Variants in CACNA1A observed in about 807,000 individuals in gnomAD.
CACNA1A encodes calcium voltage-gated channel subunit alpha1 A, also known as voltage-dependent P/Q-type calcium channel subunit alpha-1A.
In CACNA1A, 57 loss-of-function variants were observed where a neutral mutation model predicts 262.4. The ratio of observed to expected loss-of-function variants is 0.22; its 90% CI spans 0.18 to 0.27. CACNA1A has a LOEUF of 0.27. CACNA1A is among the 10% of genes least tolerant of loss of function. The pLI, the probability that CACNA1A is intolerant of heterozygous loss-of-function variation, is 1.00. For synonymous variants in CACNA1A, 1,431 were observed against 1,419.3 expected (o/e 1.01, Z -0.18); for missense variants, 2,526 against 3,562.8 (o/e 0.71, Z 7.41).
chr19:13,267,882 G>A (rs1459516690), intron 24 of CACNA1A, among the ~76,000 whole-genome samples: 2 of 151,918 alleles, frequency 1.3e-5, no homozygotes, highest in Non-Finnish European at 2.9e-5. Context: ...CAGGGCTCAG[G>A]TGATTCTCCC....
chr19:13,222,489 G>A (rs550379169), intron 38 of CACNA1A, among the ~76,000 whole-genome samples: 42 of 149,200 alleles, frequency 2.8e-4, no homozygotes, highest in African/African-American at 7.9e-4. Flanking sequence ...TCTGCCTCTC[G>A]GGTTCAAGCA....
rs2144957956 is a variant in CACNA1A, at chr19:13,299,264, C to T, written c.2369G>A (p.Arg790Gln). The T allele has an allele frequency of 3.7e-6, 6 of 1,606,594 alleles. No individual in the cohort carries two copies. Among genetic ancestry groups the T allele is most frequent in the Non-Finnish European group, 4.2e-6 (5 of 1,179,846 alleles). ...GTCCATTTCGTTATACAGGGCCTCC[C>T]GGCTGGCCAGCAAGTTCTGCTTTCG... ...EMRKQNLLAS[R>Q]EALYNEMDPD... is the part of the protein sequence containing the mutation. Residue 790 changes from arginine to glutamine, a missense_variant, in exon 19 of 47, where the codon CGG becomes CAG. Around this residue, in one of 17 missense-constraint regions of CACNA1A, gnomAD observed 765 missense variants for 748.6 expected, o/e 1.02. Coordinates refer to ENST00000360228, the MANE Select transcript of CACNA1A (RefSeq NM_001127222.2).
In CACNA1A at chr19:13,214,107, G is replaced by A. The variant is rs2054912574; in HGVS notation, c.5940+126C>T. 1.4e-6 allele frequency: 1 copy of A among 723,710 alleles called. No homozygotes were observed. 44.8% of individuals were successfully genotyped at this position (723,710 alleles called of 1,614,324 possible). The stretch of plus-strand genomic sequence containing the variant: ...TGAGATTGCAGGTGTGAGCTGCTGT[G>A]CACAGCCCCTACTTTTCAGGGACCT... On this transcript the variant is annotated intron_variant, in intron 40 of 46. Transcript: ENST00000360228. The surrounding 1 kb of genome is among the most constrained non-coding windows in gnomAD (Gnocchi z 4.1).
chr19:13,286,399 T>C, intron 20 of CACNA1A, 104 bp downstream of exon 20: 5 of 524,886 alleles, frequency 9.5e-6, no homozygotes, highest in Non-Finnish European at 1.6e-5. Flanking sequence ...GGGAGGAGAC[T>C]GAGGCCAGAG....
At chr19:13,459,350 C>T (rs1234791379) in intron 1 of CACNA1A, among the ~76,000 whole-genome samples, 1 of 152,126 alleles carries the variant, frequency 6.6e-6, no homozygotes, top group Non-Finnish European at 1.5e-5. Context: ...ATAGAAACCC[C>T]CTCAGTAAAA....
chr19:13,293,733 G>A lies in CACNA1A; in HGVS notation c.3089+4811C>T, dbSNP rs534312299. ...GGCCTCCCAAAGTGCTGGGATTACA[G>A]GCATGAGCCACCGCGCCCGGCTCAG... On this transcript the variant is annotated intron_variant, in intron 19 of 46. Coordinates refer to ENST00000360228, the MANE Select transcript of CACNA1A (RefSeq NM_001127222.2). Among the ~76,000 whole-genome samples the A allele has an allele frequency of 5.9e-5, 9 of 151,684 alleles. No homozygotes were observed. In the South Asian group the frequency reaches 1.9e-3, roughly 32 times the overall value.
chr19:13,406,382 G>A (rs1401807598), intron 3 of CACNA1A, among the ~76,000 whole-genome samples: 1 of 148,744 alleles, frequency 6.7e-6, no homozygotes, highest in Non-Finnish European at 1.5e-5. Flanking sequence ...TTGAACCTGG[G>A]AGGTGGAGGT....
At chr19:13,232,457 C>T (rs1011854402) in intron 34 of CACNA1A, among the ~76,000 whole-genome samples, 12 of 152,046 alleles carry the variant, frequency 7.9e-5, no homozygotes, top group East Asian at 3.9e-4. Context: ...CTTGGCTGGG[C>T]GCGGTGGCTC....
intron 10 of CACNA1A, among the ~76,000 whole-genome samples, chr19:13,320,528 G>C (rs2058231745): frequency 1.3e-5 from 2 of 152,158 alleles, no homozygotes; most frequent in African/African-American, 4.8e-5. Flanking sequence ...TCATGACTAG[G>C]TTCACGTGCC....
At position 13,241,226 on chromosome 19, in the gene CACNA1A, A is replaced by C. The variant is rs1415247082; in HGVS notation, c.4950+3956T>G. ...GGGGATGTGTGTGCGGGATGGGGCA[A>C]GAGAGAGGTGCTGCGCTGGGAAAAC... On this transcript the variant is annotated intron_variant, in intron 31 of 46. Coordinates refer to ENST00000360228, the MANE Select transcript of CACNA1A (RefSeq NM_001127222.2). The surrounding 1 kb of genome is among the most constrained non-coding windows in gnomAD (Gnocchi z 4.0). 1.3e-5 allele frequency among the ~76,000 whole-genome samples: 2 copies of C among 152,022 alleles called. No homozygotes were observed. The highest frequency in any genetic ancestry group is 2.4e-5 in the African/African-American group (1 of 41,396).
chr19:13,404,185 C>CAT (rs140786699), intron 3 of CACNA1A, among the ~76,000 whole-genome samples: 2 of 144,360 alleles, frequency 1.4e-5, no homozygotes, highest in Non-Finnish European at 3.0e-5. Context: ...TATATATACA[C>CAT]ATATACACAC....
chr19:13,240,598 G>T (rs566599273), intron 31 of CACNA1A, among the ~76,000 whole-genome samples: 62 of 151,650 alleles, frequency 4.1e-4, no homozygotes, highest in African/African-American at 1.5e-3. Context: ...CAGTGACTGT[G>T]TGTGCGCAGT....
In CACNA1A at chr19:13,212,105, G is replaced by C. The variant is rs1478041812; in HGVS notation, c.6301C>G (p.Gln2101Glu). 6.2e-7 allele frequency: 1 copy of C among 1,607,794 alleles called. No individual in the cohort carries two copies. The highest frequency in any genetic ancestry group is 8.5e-7 in the Non-Finnish European group (1 of 1,175,254). Residue 2101 changes from glutamine (Q) to glutamate (E), a missense_variant and splice_region_variant, in exon 43 of 47, where the codon CAG becomes GAG. Physicochemically the swap from Gln to Glu is conservative, Grantham distance 29 (BLOSUM62 2). Around this residue, in one of 17 missense-constraint regions of CACNA1A, gnomAD observed 929 missense variants for 868.1 expected, o/e 1.07. Coordinates refer to ENST00000360228, the MANE Select transcript of CACNA1A (RefSeq NM_001127222.2). This position sits in a 1 kb window ranked among gnomAD's most constrained non-coding sequence, Gnocchi z 5.6. ...AGGGCAGTGGTGAAAGCCCTCACCT[G>C]GTTCTCTGCAGGGAGGCGGGGCATG... The part of the protein sequence containing the change: ...ASMPRLPAEN[Q>E]RRRGRPRGNN...
chr19:13,384,319 G>C (rs2059572093), intron 3 of CACNA1A, among the ~76,000 whole-genome samples: 1 of 152,150 alleles, frequency 6.6e-6, no homozygotes, highest in South Asian at 2.1e-4. Context: ...AGTGGAAAAA[G>C]CCAAGGGTCC....
Position 13,491,005 on chromosome 19 carries a change from A to G in CACNA1A, c.293+14927T>C, listed in dbSNP as rs79582798. Among the ~76,000 whole-genome samples the G allele has an allele frequency of 7.7e-4, 116 of 150,190 alleles. 1 individual carries two copies. Among genetic ancestry groups the G allele is most frequent in the Admixed American group, 3.7e-3 (56 of 15,094 alleles). On this transcript the variant is annotated intron_variant, in intron 1 of 46. Coordinates refer to ENST00000360228, the MANE Select transcript of CACNA1A (RefSeq NM_001127222.2). ...CAAAGGAAAGGAAGAAGGAAGGAAG[A>G]AAGGAAGGAAGGAAGGAAAGGAAGA...
Position 13,230,158 on chromosome 19 carries a change from G to C in CACNA1A, c.5452C>G (p.Arg1818Gly), listed in dbSNP as rs267606696. 6.2e-7 allele frequency: 1 copy of C among 1,613,884 alleles called. No homozygotes were observed. Among genetic ancestry groups the C allele is most frequent in the Non-Finnish European group, 8.5e-7 (1 of 1,179,868 alleles). The change falls in exon 36 of 47, where the codon CGA (arginine) becomes GGA (glycine). Residue 1818 changes from arginine to glycine, a missense_variant. Around this residue, in one of 17 missense-constraint regions of CACNA1A, gnomAD observed 39 missense variants for 124.9 expected, o/e 0.31. Coordinates refer to ENST00000360228, the MANE Select transcript of CACNA1A (RefSeq NM_001127222.2). ...TGGGGGCCCAGGATGGAGGAGTCTC[G>C]GGTGAGGTACTCAAAGTTGTCCATG... Reference protein sequence around the residue: ...VIMDNFEYLTRDSSILGPHHL... With the variant: ...VIMDNFEYLTGDSSILGPHHL...
intron 3 of CACNA1A, among the ~76,000 whole-genome samples, chr19:13,428,078 C>G (rs2144813082): frequency 6.6e-6 from 1 of 152,294 alleles, no homozygotes; most frequent in South Asian, 2.1e-4. Context: ...CAGGCACCTG[C>G]CACCATGCCT....
chr19:13,342,718 C>T (rs1179659478), intron 6 of CACNA1A, among the ~76,000 whole-genome samples: 1 of 152,036 alleles, frequency 6.6e-6, no homozygotes, highest in Non-Finnish European at 1.5e-5. Context: ...TTTTTTCCTT[C>T]TGGAATAGCA....
intron 24 of CACNA1A, among the ~76,000 whole-genome samples, chr19:13,267,191 T>C (rs1213388866): frequency 6.6e-6 from 1 of 152,132 alleles, no homozygotes; most frequent in Admixed American, 6.5e-5. Flanking sequence ...TACCGTGTAC[T>C]GCTCCTGGTG....
Sources: gnomAD v4.1 joint callset for allele counts (sites outside exome capture counted in the v4.1 genomes callset) on GRCh38, gnomAD v4.1.1 for gene constraint, gnomAD v4.1.1 regional missense constraint, Gnocchi (gnomAD v3.1) non-coding constraint, MANE v1.5 for transcripts, NCBI Gene and HGNC (gene_info 2026-07-23, HGNC 2026-07-21) for gene names.